TNFRSF21: variants seen among roughly 807,000 people sequenced by gnomAD.
The protein encoded by TNFRSF21 is TNF receptor superfamily member 21.
Under a neutral mutation model 45.6 loss-of-function variants are expected in TNFRSF21, and 19 were observed. That is an observed-to-expected ratio of 0.42 (90% confidence interval 0.29 to 0.61). The LOEUF is 0.61. Among genes scored for constraint, TNFRSF21 ranks in the 20% least tolerant of loss-of-function variants. The probability of loss-of-function intolerance (pLI) is 0.23; values close to 1 mark genes in which losing one functional copy is unlikely to be tolerated. For synonymous variants in TNFRSF21, 314 were observed against 335.5 expected (o/e 0.94, Z 0.70); for missense variants, 737 against 851.5 (o/e 0.87, Z 1.67).
At chr6:47,277,003 G>GT (rs1237829170) in intron 3 of TNFRSF21, among the ~76,000 whole-genome samples, 2 of 151,972 alleles carry the variant, frequency 1.3e-5, no homozygotes, top group South Asian at 2.1e-4. Context: ...GTTTTGTTTT[G>GT]TTTTTTTGAG....
chr6:47,234,968 A>C (rs531449599), intron 4 of TNFRSF21, 70 bp from the exon 5 acceptor site: 3 of 938,618 alleles, frequency 3.2e-6, no homozygotes, highest in Non-Finnish European at 4.4e-6. Flanking sequence ...CCCTCCTCAG[A>C]GGCTATTTTT....
rs575517622 is a variant in TNFRSF21, at chr6:47,251,131, G to T, written c.1509+2125C>A. 7.1e-4 allele frequency among the ~76,000 whole-genome samples: 108 copies of T among 152,210 alleles called. No homozygotes were observed. In the South Asian group the frequency reaches 0.021, roughly 30 times the overall value. On this transcript the variant is annotated intron_variant, in intron 4 of 5. Coordinates refer to ENST00000296861, the MANE Select transcript of TNFRSF21 (RefSeq NM_014452.5). ...TCCAGTCCCAAGCATATCAGATAAA[G>T]GATACTCAACCTGTAATAAGAACTG...
At chr6:47,271,087 C>T (rs1441652274) in intron 3 of TNFRSF21, among the ~76,000 whole-genome samples, 1 of 152,172 alleles carries the variant, frequency 6.6e-6, no homozygotes, top group African/African-American at 2.4e-5. Context: ...AGTTGGAAAA[C>T]ACTCTTCAGA....
intron 4 of TNFRSF21, among the ~76,000 whole-genome samples, chr6:47,251,838 G>A (rs1273309266): frequency 6.6e-6 from 1 of 152,150 alleles, no homozygotes; most frequent in African/African-American, 2.4e-5. Context: ...AGTTTTACTT[G>A]TGAATAATAT....
intron 1 of TNFRSF21, among the ~76,000 whole-genome samples, chr6:47,304,221 T>C (rs190187595): frequency 6.6e-6 from 1 of 150,556 alleles, no homozygotes; most frequent in East Asian, 2.0e-4. Context: ...GAAAAGTCAC[T>C]CAATTCATAC....
At chr6:47,273,279 A>G (rs1464338476) in intron 3 of TNFRSF21, among the ~76,000 whole-genome samples, 8 of 152,212 alleles carry the variant, frequency 5.3e-5, no homozygotes, top group Non-Finnish European at 4.4e-5. Context: ...AATACTTGCA[A>G]ACCAAATCCA....
chr6:47,236,531 C>A (rs1254597459), intron 4 of TNFRSF21, among the ~76,000 whole-genome samples: 1 of 152,198 alleles, frequency 6.6e-6, no homozygotes. Flanking sequence ...CAACTGATTG[C>A]AGATTGTGAA....
intron 1 of TNFRSF21, among the ~76,000 whole-genome samples, chr6:47,296,518 G>T (rs918089048): frequency 1.3e-5 from 2 of 152,106 alleles, no homozygotes; most frequent in Non-Finnish European, 2.9e-5. Flanking sequence ...GATAGGGGCT[G>T]GTCATAAGAA....
chr6:47,284,237 G>T lies in TNFRSF21; in HGVS notation c.944C>A (p.Ser315Tyr). The change falls in exon 3 of 6, where the codon TCC becomes TAC. Residue 315 changes from serine (S) to tyrosine (Y), a missense_variant. Physicochemically the swap from Ser to Tyr is moderately radical, Grantham distance 144 (BLOSUM62 -2). Coordinates refer to ENST00000296861, the MANE Select transcript of TNFRSF21 (RefSeq NM_014452.5). ...CTTCTCGCCCCCAGTGGCCTCCATG[G>T]ACGGCAGCAGCTTCAGGATGTGTCT... ...HHRHILKLLP[S>Y]MEATGGEKSS... is the part of the protein sequence containing the mutation. 6.2e-7 allele frequency: 1 copy of T among 1,613,926 alleles called. No homozygotes were observed. The highest frequency in any genetic ancestry group is 8.5e-7 in the Non-Finnish European group (1 of 1,179,878).
chr6:47,297,277 G>T (rs1189297443), intron 1 of TNFRSF21, among the ~76,000 whole-genome samples: 1 of 152,118 alleles, frequency 6.6e-6, no homozygotes, highest in African/African-American at 2.4e-5. Context: ...CTCCTCATTA[G>T]TATAAAGGAG....
intron 1 of TNFRSF21, among the ~76,000 whole-genome samples, chr6:47,296,473 A>G (rs1336416084): frequency 6.6e-6 from 1 of 152,128 alleles, no homozygotes; most frequent in African/African-American, 2.4e-5. Context: ...TGCTAATGAG[A>G]TGATTGTCGG....
At chr6:47,299,521 T>C (rs909131854) in intron 1 of TNFRSF21, among the ~76,000 whole-genome samples, 16 of 152,136 alleles carry the variant, frequency 1.1e-4, no homozygotes, top group African/African-American at 3.9e-4. Flanking sequence ...ATCTCAACTT[T>C]TATGTTATTA....
intron 3 of TNFRSF21, among the ~76,000 whole-genome samples, chr6:47,258,105 G>A (rs1398655068): frequency 6.6e-6 from 1 of 152,152 alleles, no homozygotes; most frequent in Non-Finnish European, 1.5e-5. Context: ...GGCTGGACGG[G>A]TGGCTTATGC....
At chr6:47,279,328 TG>T (rs1762536527) in intron 3 of TNFRSF21, among the ~76,000 whole-genome samples, 1 of 152,128 alleles carries the variant, frequency 6.6e-6, no homozygotes, top group Admixed American at 6.6e-5. Context: ...AATTAGAAAC[TG>T]CAATGAGCAA....
At chr6:47,275,659 A>G (rs956516716) in intron 3 of TNFRSF21, among the ~76,000 whole-genome samples, 1 of 135,402 alleles carries the variant, frequency 7.4e-6, no homozygotes, top group Non-Finnish European at 1.7e-5. Context: ...GTAATTTTAA[A>G]AAAAGAAAAA....
chr6:47,309,458 G>A lies in TNFRSF21; in HGVS notation c.54C>T (p.Ala18=). Reference sequence around the variant, plus strand: ...CGATCATCGTGGCTGTGGCTCGGCGGGCGATGCGGCTGCAGGAGGCGAGGG... The same window carrying A: ...CGATCATCGTGGCTGTGGCTCGGCGAGCGATGCGGCTGCAGGAGGCGAGGG... ...STALASCSRI[A]RRATATMIAG... The change falls in exon 1 of 6, where the codon GCC becomes GCT. Residue 18 remains alanine (A), a synonymous_variant. Transcript: ENST00000296861. The A allele has an allele frequency of 6.5e-7, 1 of 1,535,746 alleles. No individual in the cohort carries two copies. Among genetic ancestry groups the A allele is most frequent in the Non-Finnish European group, 8.7e-7 (1 of 1,148,494 alleles).
At chr6:47,262,559 G>C (rs1765088645) in intron 3 of TNFRSF21, among the ~76,000 whole-genome samples, 1 of 152,186 alleles carries the variant, frequency 6.6e-6, no homozygotes, top group Non-Finnish European at 1.5e-5. Flanking sequence ...AGGGAGGAGA[G>C]CTAAGGAGAA....
chr6:47,290,330 C>CCA (rs147774138), intron 1 of TNFRSF21, among the ~76,000 whole-genome samples: 1 of 151,836 alleles, frequency 6.6e-6, no homozygotes, highest in Non-Finnish European at 1.5e-5. Context: ...TCAGACACAC[C>CCA]CACACACACA....
chr6:47,294,243 A>T (rs1351453841), intron 1 of TNFRSF21, among the ~76,000 whole-genome samples: 3 of 152,168 alleles, frequency 2.0e-5, no homozygotes, highest in Non-Finnish European at 2.9e-5. Context: ...TCCTGGGTTC[A>T]AGCAATTCCC....
Sources: allele counts gnomAD v4.1 joint callset (sites outside exome capture counted in the v4.1 genomes callset), GRCh38; gene constraint gnomAD v4.1.1; transcripts MANE v1.5; gene names NCBI Gene and HGNC (gene_info 2026-07-23, HGNC 2026-07-21).